Variants in SLIT3 observed in about 807,000 individuals in gnomAD.
The protein encoded by SLIT3 is slit guidance ligand 3.
In SLIT3, 68 loss-of-function variants were observed where a neutral mutation model predicts 184.0. That is an observed-to-expected ratio of 0.37 (90% CI 0.30 to 0.45). The LOEUF is 0.45. Ranked by LOEUF, SLIT3 falls within the 20% of genes least tolerant of loss-of-function variation. The pLI is 1.00. For missense variants in SLIT3, 1,707 were observed against 2,026.0 expected (o/e 0.84, Z 3.02); for synonymous variants, 831 against 828.6 (o/e 1.00, Z -0.05).
intron 4 of SLIT3, among the ~76,000 whole-genome samples, chr5:169,082,601 C>T (rs1759115601): frequency 6.6e-6 from 1 of 152,148 alleles, no homozygotes; most frequent in Admixed American, 6.5e-5. Context: ...TCTTTCTCTA[C>T]CTACCTACCT....
At chr5:168,756,454 C>T (rs960928035) in intron 16 of SLIT3, among the ~76,000 whole-genome samples, 1 of 152,228 alleles carries the variant, frequency 6.6e-6, no homozygotes, top group East Asian at 1.9e-4. Flanking sequence ...CCTCCTTACT[C>T]CTTGGCATGA....
chr5:169,165,863 G>A (rs1725108644), intron 4 of SLIT3, among the ~76,000 whole-genome samples: 1 of 152,186 alleles, frequency 6.6e-6, no homozygotes, highest in Admixed American at 6.5e-5. Flanking sequence ...GCCCTCTAAG[G>A]AGAGGCATTT....
intron 20 of SLIT3, among the ~76,000 whole-genome samples, chr5:168,731,851 T>C (rs1265486843): frequency 6.6e-6 from 1 of 152,002 alleles, no homozygotes; most frequent in Non-Finnish European, 1.5e-5. Flanking sequence ...TCATCCTTAA[T>C]GGAGAAAAGT....
intron 5 of SLIT3, among the ~76,000 whole-genome samples, chr5:168,852,623 T>C (rs1009949045): frequency 2.0e-5 from 3 of 152,252 alleles, no homozygotes; most frequent in Non-Finnish European, 4.4e-5. Flanking sequence ...TGTTTCCCTT[T>C]AAAAACATCA....
chr5:168,799,797 G>T (rs1756701173), intron 9 of SLIT3, among the ~76,000 whole-genome samples: 1 of 152,074 alleles, frequency 6.6e-6, no homozygotes, highest in Non-Finnish European at 1.5e-5. Context: ...TTTTTCAACA[G>T]TACTATGAAC....
chr5:168,734,003 C>T (rs560545538), intron 20 of SLIT3, among the ~76,000 whole-genome samples: 6 of 152,000 alleles, frequency 3.9e-5, no homozygotes, highest in South Asian at 4.2e-4. Flanking sequence ...ATGGACATAC[C>T]GAGTAGAATA....
chr5:169,297,316 C>T (rs1767539821), intron 1 of SLIT3, among the ~76,000 whole-genome samples: 1 of 152,146 alleles, frequency 6.6e-6, no homozygotes, highest in Non-Finnish European at 1.5e-5. Context: ...GGAACACAGA[C>T]CCCCCAATTC....
intron 4 of SLIT3, among the ~76,000 whole-genome samples, chr5:169,009,088 A>T (rs1756041767): frequency 7.3e-6 from 1 of 137,624 alleles, no homozygotes; most frequent in South Asian, 2.2e-4. Context: ...CCAAAATTAC[A>T]ATTTTTTTTT....
At chr5:169,027,115 TATA>T (rs1756860437) in intron 4 of SLIT3, among the ~76,000 whole-genome samples, 2 of 152,188 alleles carry the variant, frequency 1.3e-5, no homozygotes, top group South Asian at 4.1e-4. Flanking sequence ...CCCAGATTGG[TATA>T]ATATTGCTCA....
intron 1 of SLIT3, among the ~76,000 whole-genome samples, chr5:169,255,808 G>C (rs904955544): frequency 3.3e-5 from 5 of 152,076 alleles, no homozygotes; most frequent in East Asian, 1.9e-4. Flanking sequence ...GTGTGAACCC[G>C]GGAGGCAGAG....
chr5:168,819,691 C>A (rs1286803988), intron 7 of SLIT3, among the ~76,000 whole-genome samples: 2 of 152,164 alleles, frequency 1.3e-5, no homozygotes. Context: ...CCTTACTGAG[C>A]TGATTAATTT....
At chr5:169,205,628 G>A (rs1206666854) in intron 3 of SLIT3, among the ~76,000 whole-genome samples, 1 of 152,184 alleles carries the variant, frequency 6.6e-6, no homozygotes, top group Non-Finnish European at 1.5e-5. Flanking sequence ...GACTAAATGA[G>A]TGAATATCTA....
At chr5:168,944,433 A>G (rs973256962) in intron 4 of SLIT3, among the ~76,000 whole-genome samples, 53 of 152,226 alleles carry the variant, frequency 3.5e-4, no homozygotes, top group Non-Finnish European at 5.4e-4. Context: ...TCTCTGCACC[A>G]TGGGGAAGAA....
intron 4 of SLIT3, among the ~76,000 whole-genome samples, chr5:168,922,246 A>G (rs573507022): frequency 1.2e-3 from 179 of 152,156 alleles, no homozygotes; most frequent in African/African-American, 4.2e-3. Context: ...TCATGAGGTC[A>G]GGAGATCGAG....
intron 3 of SLIT3, among the ~76,000 whole-genome samples, chr5:169,236,791 C>T (rs1765217329): frequency 6.6e-6 from 1 of 152,030 alleles, no homozygotes; most frequent in African/African-American, 2.4e-5. Flanking sequence ...ATATTTTTTG[C>T]ATATTAATTC....
chr5:169,086,015 C>A (rs916292741), intron 4 of SLIT3, among the ~76,000 whole-genome samples: 2 of 152,176 alleles, frequency 1.3e-5, no homozygotes, highest in African/African-American at 4.8e-5. Context: ...CAGAGGCCCT[C>A]ATTTTCCCTA....
intron 4 of SLIT3, among the ~76,000 whole-genome samples, chr5:169,131,257 A>G (rs1561685159): frequency 6.6e-6 from 1 of 152,230 alleles, no homozygotes; most frequent in Non-Finnish European, 1.5e-5. Flanking sequence ...TGTAAATTAC[A>G]TGCTTGGAAT....
intron 4 of SLIT3, among the ~76,000 whole-genome samples, chr5:169,115,585 C>T (rs1019098175): frequency 1.3e-5 from 2 of 152,162 alleles, no homozygotes; most frequent in African/African-American, 4.8e-5. Flanking sequence ...CAATGTCCAG[C>T]CCCTCAGAAA....
At chr5:168,727,010 CAA>C (rs56207322) in intron 20 of SLIT3, among the ~76,000 whole-genome samples, 24 of 97,800 alleles carry the variant, frequency 2.5e-4, no homozygotes, top group Admixed American at 4.6e-4. Flanking sequence ...GACTGTGTCT[CAA>C]AAAAAAAAAA....
Sources: allele counts gnomAD v4.1 joint callset (sites outside exome capture counted in the v4.1 genomes callset), GRCh38; gene constraint gnomAD v4.1.1; transcripts MANE v1.5; gene names NCBI Gene and HGNC (gene_info 2026-07-23, HGNC 2026-07-21).